SOX5: variants seen among roughly 807,000 people sequenced by gnomAD.
SOX5 encodes the protein transcription factor SOX-5.
In SOX5, 9 loss-of-function variants were observed where a neutral mutation model predicts 92.0. The observed-to-expected ratio is 0.10, with a 90% CI of 0.06 to 0.17. The LOEUF is 0.17. SOX5 is among the 10% of genes least tolerant of loss of function. SOX5 has a pLI of 1.00. For missense variants in SOX5, 642 were observed against 944.5 expected, an observed-to-expected ratio of 0.68 and a Z score of 4.20; for synonymous variants, 344 against 336.3, an observed-to-expected ratio of 1.02 and a Z score of -0.25.
In SOX5 at chr12:23,762,593, A is replaced by G. The variant is rs113483332; in HGVS notation, c.482-6869T>C. Reference sequence around the variant, plus strand: ...GTTTGTTTCCACTTGAAAGTTAATGAGAGCCTGTTAATACAAAAAGAAAAA... The same window carrying G: ...GTTTGTTTCCACTTGAAAGTTAATGGGAGCCTGTTAATACAAAAAGAAAAA... On this transcript the variant is annotated intron_variant, in intron 3 of 14. Transcript: ENST00000451604. The G allele has an allele frequency of 1.9e-5, 10 of 537,218 alleles. 1 individual carries two copies. Among genetic ancestry groups the G allele is most frequent in the African/African-American group, 1.3e-4 (6 of 47,084 alleles). 33.3% of individuals were successfully genotyped at this position (537,218 alleles called of 1,614,324 possible).
chr12:23,890,661 T>C (rs1015943284), intron 2 of SOX5, among the ~76,000 whole-genome samples: 1 of 152,144 alleles, frequency 6.6e-6, no homozygotes, highest in Non-Finnish European at 1.5e-5. Flanking sequence ...CAAATACTCA[T>C]ATTGATTGAC....
upstream of SOX5, chr12:23,949,737 TCTCTCTCTCTCTCTCC>T (rs1945245226): frequency 1.0e-6 from 1 of 999,672 alleles, no homozygotes. Flanking sequence ...CCTCCCTCTC[TCTCTCTCTCTCTCTCC>T]CTCTCTCTCT....
intron 4 of SOX5, among the ~76,000 whole-genome samples, chr12:24,019,840 T>C (rs1156473291): frequency 6.6e-6 from 1 of 152,178 alleles, no homozygotes; most frequent in Non-Finnish European, 1.5e-5. Context: ...TCTAGATCTG[T>C]AAATTATATT....
In SOX5 at chr12:23,642,854, G is replaced by T. The variant is rs1462386632; in HGVS notation, c.932-1957C>A. Among the ~76,000 whole-genome samples, 2 of 111,200 alleles carry T rather than the reference G, an allele frequency of 1.8e-5. 1 individual carries two copies. Among genetic ancestry groups the T allele is most frequent in the Admixed American group, 1.6e-4 (2 of 12,440 alleles). The allele number at this position is 111,200 out of a possible 152,430, so 73.0% of individuals were successfully genotyped here. On this transcript the variant is annotated intron_variant, in intron 7 of 14. Transcript: ENST00000451604. ...TGTAATCCCAGCACTTTGGGAGGCC[G>T]AGGCGGGCGGATCACGAGGTCAGGA...
At chr12:23,843,597 T>C (rs1301690951) in intron 3 of SOX5, among the ~76,000 whole-genome samples, 1 of 119,540 alleles carries the variant, frequency 8.4e-6, no homozygotes, top group East Asian at 3.3e-4. Flanking sequence ...AGAGTCTCGC[T>C]CTGTTGCCCA....
At chr12:23,599,562 T>C (rs1048753796) in intron 9 of SOX5, among the ~76,000 whole-genome samples, 18 of 152,248 alleles carry the variant, frequency 1.2e-4, no homozygotes, top group Non-Finnish European at 2.4e-4. Flanking sequence ...TCTTGGCTGC[T>C]GCAGGCAATA....
chr12:24,129,475 CTG>C (rs1329619062), intron 4 of SOX5, among the ~76,000 whole-genome samples: 2 of 152,138 alleles, frequency 1.3e-5, no homozygotes, highest in African/African-American at 4.8e-5. Context: ...TGGTCCATGC[CTG>C]GCACTGTGCC....
chr12:24,145,646 G>T (rs1172792268), intron 4 of SOX5, among the ~76,000 whole-genome samples: 1 of 152,094 alleles, frequency 6.6e-6, no homozygotes, highest in Non-Finnish European at 1.5e-5. Context: ...ACAAGTATGT[G>T]CATCATACAT....
At chr12:23,650,294 C>A (rs2081391144) in intron 7 of SOX5, among the ~76,000 whole-genome samples, 1 of 152,124 alleles carries the variant, frequency 6.6e-6, no homozygotes, top group African/African-American at 2.4e-5. Flanking sequence ...AAGATGGCCA[C>A]TATCAATACC....
chr12:23,736,042 T>C (rs567784736), intron 5 of SOX5, among the ~76,000 whole-genome samples: 191 of 152,168 alleles, frequency 1.3e-3, no homozygotes, highest in African/African-American at 4.3e-3. Flanking sequence ...ATGAAAACTG[T>C]AAACATTTCA....
intron 1 of SOX5, among the ~76,000 whole-genome samples, chr12:23,901,319 T>G (rs1388401519): frequency 2.0e-5 from 3 of 152,178 alleles, no homozygotes; most frequent in African/African-American, 7.2e-5. Flanking sequence ...AATGTGGACC[T>G]GACAACACCT....
At chr12:23,929,508 T>C (rs1303987996) in intron 1 of SOX5, among the ~76,000 whole-genome samples, 1 of 151,872 alleles carries the variant, frequency 6.6e-6, no homozygotes, top group Non-Finnish European at 1.5e-5. Flanking sequence ...TATCTGAGCA[T>C]TTGACAATAA....
chr12:23,796,973 T>A (rs998697427), intron 3 of SOX5, among the ~76,000 whole-genome samples: 6 of 149,878 alleles, frequency 4.0e-5, no homozygotes, highest in African/African-American at 1.5e-4. Context: ...ACAGTAGGTA[T>A]TTTTATTTAA....
chr12:24,117,390 G>C (rs1948127886), intron 4 of SOX5, among the ~76,000 whole-genome samples: 1 of 152,104 alleles, frequency 6.6e-6, no homozygotes, highest in African/African-American at 2.4e-5. Flanking sequence ...CAATTTTGGA[G>C]AACAGTATGG....
intron 1 of SOX5, among the ~76,000 whole-genome samples, chr12:23,901,421 TA>T (rs1278926866): frequency 2.0e-5 from 3 of 152,222 alleles, no homozygotes; most frequent in Non-Finnish European, 4.4e-5. Flanking sequence ...ACAGCAGCAA[TA>T]AAAAAGGTAA....
intron 2 of SOX5, among the ~76,000 whole-genome samples, chr12:24,296,491 C>A (rs2140567830): frequency 6.6e-6 from 1 of 152,318 alleles, no homozygotes; most frequent in East Asian, 1.9e-4. Flanking sequence ...GGTCCTAAGA[C>A]CAGTGCCTCT....
At chr12:24,310,950 C>T (rs918316496) in intron 2 of SOX5, among the ~76,000 whole-genome samples, 5 of 151,846 alleles carry the variant, frequency 3.3e-5, no homozygotes, top group South Asian at 2.1e-4. Flanking sequence ...AACTACTTTT[C>T]GGACATGTCA....
intron 4 of SOX5, among the ~76,000 whole-genome samples, chr12:24,103,391 G>A (rs1420843362): frequency 1.3e-5 from 2 of 149,164 alleles, no homozygotes; most frequent in Non-Finnish European, 1.5e-5. Flanking sequence ...GTCTCATTAT[G>A]TTGCCCAGTC....
chr12:24,145,797 C>T (rs1465573299), intron 4 of SOX5, among the ~76,000 whole-genome samples: 1 of 152,210 alleles, frequency 6.6e-6, no homozygotes, highest in Non-Finnish European at 1.5e-5. Context: ...CAAGCCACCA[C>T]ATGTGGCCAA....
Sources: gnomAD v4.1 joint callset for allele counts (sites outside exome capture counted in the v4.1 genomes callset) on GRCh38, gnomAD v4.1.1 for gene constraint, MANE v1.5 for transcripts, NCBI Gene and HGNC (gene_info 2026-07-23, HGNC 2026-07-21) for gene names.